The following TRAPPC9 variants were observed in gnomAD, a reference collection of about 807,000 sequenced individuals.
TRAPPC9 encodes the protein IKK2 binding protein.
Under a neutral mutation model 124.0 loss-of-function variants are expected in TRAPPC9, and 83 were observed. The ratio of observed to expected loss-of-function variants is 0.67; its 90% CI spans 0.56 to 0.80. The LOEUF is 0.80. Among genes scored for constraint, TRAPPC9 ranks in the 30% least tolerant of loss-of-function variants. The pLI, the probability that TRAPPC9 is intolerant of heterozygous loss-of-function variation, is 0.00. For missense variants in TRAPPC9, 1,302 were observed against 1,508.3 expected, an observed-to-expected ratio of 0.86 and a Z score of 2.27; for synonymous variants, 638 against 617.5, an observed-to-expected ratio of 1.03 and a Z score of -0.49.
At chr8:140,218,590 T>G (rs1278515779) in intron 17 of TRAPPC9, among the ~76,000 whole-genome samples, 1 of 151,928 alleles carries the variant, frequency 6.6e-6, no homozygotes, top group Non-Finnish European at 1.5e-5. Context: ...TGTCTGCTGC[T>G]CTGCTACCTG....
chr8:139,958,910 A>ACTGCATTCCGAGTCACACGGGGGAGCC lies in TRAPPC9; in HGVS notation c.2810+29815_2810+29816insGGCTCCCCCGTGTGACTCGGAATGCAG, dbSNP rs1835177426. 3.9e-3 allele frequency among the ~76,000 whole-genome samples: 278 copies of ACTGCATTCCGAGTCACACGGGGGAGCC among 71,186 alleles called. 1 individual carries two copies. The highest frequency in any genetic ancestry group is 0.011 in the African/African-American group (248 of 22,444). 46.7% of individuals were successfully genotyped at this position (71,186 alleles called of 152,430 possible). A position where few individuals can be genotyped will look rare whatever the true frequency, so the allele number is the denominator to read the frequency against. On this transcript the variant is annotated intron_variant, in intron 19 of 22. Transcript: ENST00000438773. ...TGCATTCCGAGTCACACAGGGGAGC[A>ACTGCATTCCGAGTCACACGGGGGAGCC]CTGCATTCCGAGTCACACGGGGGAG...
intron 19 of TRAPPC9, among the ~76,000 whole-genome samples, chr8:139,937,929 A>G (rs544420347): frequency 6.6e-6 from 1 of 152,300 alleles, no homozygotes; most frequent in East Asian, 1.9e-4. Flanking sequence ...GCATTACCAG[A>G]TGCACAGAGA....
At chr8:140,264,757 C>T (rs2064561448) in intron 15 of TRAPPC9, among the ~76,000 whole-genome samples, 1 of 152,114 alleles carries the variant, frequency 6.6e-6, no homozygotes, top group Admixed American at 6.5e-5. Context: ...TCTGGTTTTC[C>T]AGGCCCTGGC....
At chr8:139,903,797 T>C (rs1040964218) in intron 20 of TRAPPC9, among the ~76,000 whole-genome samples, 1 of 152,136 alleles carries the variant, frequency 6.6e-6, no homozygotes, top group Non-Finnish European at 1.5e-5. Flanking sequence ...TCCCAGCACT[T>C]TGGGAGGCCG....
chr8:140,030,615 A>G (rs1420231095), intron 17 of TRAPPC9, among the ~76,000 whole-genome samples: 1 of 152,238 alleles, frequency 6.6e-6, no homozygotes, highest in Non-Finnish European at 1.5e-5. Flanking sequence ...ATGTCCAACA[A>G]GAGGTAGGTG....
At chr8:140,124,722 G>A (rs958019336) in intron 17 of TRAPPC9, among the ~76,000 whole-genome samples, 2 of 151,902 alleles carry the variant, frequency 1.3e-5, no homozygotes, top group Non-Finnish European at 2.9e-5. Flanking sequence ...ACCCTCCGAG[G>A]GGAGGACCAA....
At chr8:139,995,139 C>A (rs899619347) in intron 18 of TRAPPC9, among the ~76,000 whole-genome samples, 3 of 152,118 alleles carry the variant, frequency 2.0e-5, no homozygotes, top group Non-Finnish European at 2.9e-5. Context: ...ACAGTAGGAG[C>A]CAGAAACTGA....
intron 17 of TRAPPC9, among the ~76,000 whole-genome samples, chr8:140,134,392 G>A (rs143488359): frequency 8.6e-5 from 13 of 151,964 alleles, no homozygotes; most frequent in South Asian, 2.1e-4. Flanking sequence ...TCAGCCTCCC[G>A]AGTAGTGGGA....
intron 16 of TRAPPC9, among the ~76,000 whole-genome samples, chr8:140,225,429 A>C (rs1276887540): frequency 6.6e-6 from 1 of 152,230 alleles, no homozygotes; most frequent in East Asian, 1.9e-4. Context: ...CATCAGGTAG[A>C]TATGTGCGAA....
intron 18 of TRAPPC9, among the ~76,000 whole-genome samples, chr8:140,002,422 A>G (rs1297985905): frequency 1.3e-5 from 2 of 152,152 alleles, no homozygotes; most frequent in Admixed American, 6.5e-5. Flanking sequence ...CAAAATTCCA[A>G]TCAAAATCCT....
rs73362906 is a variant in TRAPPC9 at position 140,154,997 on chromosome 8, G to A, written c.2556+66462C>T. On this transcript the variant is annotated intron_variant, in intron 17 of 22. Coordinates refer to ENST00000438773, the MANE Select transcript of TRAPPC9 (RefSeq NM_001160372.4). ...GCATCCTGTTAGAATCCTCTGTTGA[G>A]TATCTTCTCCTACTGGACTGTGAGT... Among the ~76,000 whole-genome samples the A allele has an allele frequency of 4.1e-3, 626 of 152,284 alleles. 5 individuals are homozygous for A. Among genetic ancestry groups the A allele is most frequent in the African/African-American group, 0.015 (604 of 41,566 alleles).
At chr8:139,846,256 A>T (rs1251772991) in intron 21 of TRAPPC9, among the ~76,000 whole-genome samples, 2 of 152,212 alleles carry the variant, frequency 1.3e-5, no homozygotes, top group Non-Finnish European at 2.9e-5. Context: ...GAACCCGATG[A>T]TCAATCATCA....
chr8:140,443,422 C>A (rs1009849375), intron 2 of TRAPPC9, among the ~76,000 whole-genome samples: 1 of 148,928 alleles, frequency 6.7e-6, no homozygotes, highest in Admixed American at 6.7e-5. Flanking sequence ...GGCGACAGAG[C>A]AAGACTCCAT....
intron 9 of TRAPPC9, among the ~76,000 whole-genome samples, chr8:140,332,476 T>C (rs2066919467): frequency 6.6e-6 from 1 of 152,192 alleles, no homozygotes; most frequent in African/African-American, 2.4e-5. Flanking sequence ...ATTCTAAATG[T>C]TCCCAACACA....
intron 17 of TRAPPC9, among the ~76,000 whole-genome samples, chr8:140,128,563 T>C (rs2130684335): frequency 6.6e-6 from 1 of 152,340 alleles, no homozygotes; most frequent in Admixed American, 6.5e-5. Context: ...TTGAGAGAAG[T>C]GAAGGCAGGA....
intron 17 of TRAPPC9, among the ~76,000 whole-genome samples, chr8:140,031,485 C>A (rs1840492921): frequency 6.6e-6 from 1 of 152,178 alleles, no homozygotes; most frequent in Non-Finnish European, 1.5e-5. Context: ...TATTTAAAGA[C>A]CTCAATTGAA....
chr8:140,175,242 C>G (rs1006833359), intron 17 of TRAPPC9, among the ~76,000 whole-genome samples: 4 of 151,754 alleles, frequency 2.6e-5, no homozygotes, highest in Admixed American at 2.0e-4. Context: ...AAAATTCATC[C>G]AATAGTTGCC....
At chr8:140,137,960 G>C (rs1051623900) in intron 17 of TRAPPC9, among the ~76,000 whole-genome samples, 3 of 152,178 alleles carry the variant, frequency 2.0e-5, no homozygotes, top group African/African-American at 7.2e-5. Context: ...ATGAGATATT[G>C]GCATAATACG....
In TRAPPC9 at chr8:139,836,454, G is replaced by GC. The variant is rs1189718903; in HGVS notation, c.3055+49424_3055+49425insG. Among the ~76,000 whole-genome samples the GC allele has an allele frequency of 7.2e-5, 11 of 152,290 alleles. No individual in the cohort carries two copies. In the East Asian group the frequency reaches 1.9e-3, roughly 27 times the overall value. Reference sequence around the variant, plus strand: ...GGCAAGTGCATGGGAAGCCGCTGGGGGGACCTGGAGGAGAAAGAGCTTCCA... The same window carrying GC: ...GGCAAGTGCATGGGAAGCCGCTGGGGCGGACCTGGAGGAGAAAGAGCTTCCA... On this transcript the variant is annotated intron_variant, in intron 21 of 22. Coordinates refer to ENST00000438773, the MANE Select transcript of TRAPPC9 (RefSeq NM_001160372.4).
Sources: gnomAD v4.1 joint callset for allele counts (sites outside exome capture counted in the v4.1 genomes callset) on GRCh38, gnomAD v4.1.1 for gene constraint, MANE v1.5 for transcripts, NCBI Gene and HGNC (gene_info 2026-07-23, HGNC 2026-07-21) for gene names.